SLC26A7: variants seen among roughly 807,000 people sequenced by gnomAD.
SLC26A7 encodes anion exchange transporter.
A neutral mutation model predicts 82.5 loss-of-function variants in SLC26A7; 59 were observed. That is an observed-to-expected ratio of 0.72 (90% CI 0.58 to 0.89). The LOEUF is 0.89. SLC26A7 is among the 40% of genes least tolerant of loss of function. SLC26A7 has a pLI of 0.00. For synonymous variants in SLC26A7, 271 were observed against 274.3 expected, an observed-to-expected ratio of 0.99 and a Z score of 0.12; for missense variants, 820 against 793.0, an observed-to-expected ratio of 1.03 and a Z score of -0.41.
rs139303268 is a variant in SLC26A7 at position 91,228,259 on chromosome 8, G to A, written c.-34+9254G>A. Among the ~76,000 whole-genome samples the A allele has an allele frequency of 1.8e-3, 270 of 152,310 alleles. 1 individual carries two copies. Among genetic ancestry groups the A allele is most frequent in the African/African-American group, 5.8e-3 (240 of 41,568 alleles). ...TGGAGTGAGTGAAGATGGTTAATAC[G>A]ACAGCACGGTAGTAAACATAGGTGT... On this transcript the variant is annotated intron_variant, in intron 2 of 5. Coordinates refer to the SLC26A7 transcript ENST00000522862.
chr8:91,272,582 C>T (rs972918306), intron 2 of SLC26A7, among the ~76,000 whole-genome samples: 1 of 151,992 alleles, frequency 6.6e-6, no homozygotes, highest in African/African-American at 2.4e-5. Context: ...TACTAGATAC[C>T]ACTGACGAAG....
chr8:91,353,761 T>TA (rs1011835235), intron 11 of SLC26A7, among the ~76,000 whole-genome samples: 11 of 152,094 alleles, frequency 7.2e-5, no homozygotes, highest in African/African-American at 2.7e-4. Flanking sequence ...TGCTGGTGCC[T>TA]ACTTTTGTAA....
At chr8:91,256,431 T>G (rs1363436957) in intron 2 of SLC26A7, among the ~76,000 whole-genome samples, 2 of 152,134 alleles carry the variant, frequency 1.3e-5, no homozygotes, top group Non-Finnish European at 2.9e-5. Context: ...AGGGGCCAGC[T>G]ATTTATTATT....
At chr8:91,284,894 G>T (rs1811669726) in intron 2 of SLC26A7, among the ~76,000 whole-genome samples, 1 of 152,184 alleles carries the variant, frequency 6.6e-6, no homozygotes, top group South Asian at 2.1e-4. Flanking sequence ...TGTGCAGAAA[G>T]TGAGGTTGAA....
intron 5 of SLC26A7, among the ~76,000 whole-genome samples, chr8:91,320,969 G>A (rs992868983): frequency 6.6e-6 from 1 of 152,142 alleles, no homozygotes; most frequent in Non-Finnish European, 1.5e-5. Context: ...TCCCAGGTGG[G>A]CTACTCATTT....
At chr8:91,241,837 A>AT (rs1279658242) in intron 2 of SLC26A7, among the ~76,000 whole-genome samples, 1 of 152,092 alleles carries the variant, frequency 6.6e-6, no homozygotes, top group African/African-American at 2.4e-5. Context: ...TATAAAAATG[A>AT]TTTTCACATT....
At chr8:91,377,241 T>A (rs1310311524) in intron 15 of SLC26A7, among the ~76,000 whole-genome samples, 1 of 152,152 alleles carries the variant, frequency 6.6e-6, no homozygotes, top group Non-Finnish European at 1.5e-5. Flanking sequence ...TCTGCAATAG[T>A]GGATGAGGGG....
chr8:91,224,125 G>A (rs182591526), intron 2 of SLC26A7, among the ~76,000 whole-genome samples: 3 of 152,054 alleles, frequency 2.0e-5, no homozygotes, highest in East Asian at 1.9e-4. Context: ...GTTAGAACAT[G>A]CTTGTTTAGC....
chr8:91,325,960 G>GT (rs962998829), intron 5 of SLC26A7, among the ~76,000 whole-genome samples: 11 of 152,140 alleles, frequency 7.2e-5, no homozygotes, highest in African/African-American at 1.9e-4. Flanking sequence ...GATTTCTGAG[G>GT]TTTTTTTCTG....
In SLC26A7 at chr8:91,249,527, T is replaced by G; in HGVS notation, c.-113-12T>G. ...TCTCTCTCTCTCTTTTATTTACTTA[T>G]TTTCTGGGCAGCTTTGACATTGTAA... On this transcript the variant is annotated splice_polypyrimidine_tract_variant and intron_variant, in intron 1 of 18. Coordinates refer to ENST00000276609, the MANE Select transcript of SLC26A7 (RefSeq NM_052832.4). 1 of 617,968 alleles carries G rather than the reference T, an allele frequency of 1.6e-6. No individual in the cohort carries two copies. The highest frequency in any genetic ancestry group is 2.5e-6 in the Non-Finnish European group (1 of 396,742). 38.3% of individuals were successfully genotyped at this position (617,968 alleles called of 1,614,324 possible).
At chr8:91,318,669 C>T (rs1287170986) in intron 5 of SLC26A7, among the ~76,000 whole-genome samples, 1 of 152,064 alleles carries the variant, frequency 6.6e-6, no homozygotes, top group Non-Finnish European at 1.5e-5. Context: ...TTGTTGCCAG[C>T]TTCTAATGGA....
intron 1 of SLC26A7, among the ~76,000 whole-genome samples, chr8:91,212,259 T>C (rs1283828487): frequency 6.6e-6 from 1 of 152,154 alleles, no homozygotes; most frequent in Non-Finnish European, 1.5e-5. Flanking sequence ...ATAAAATTCT[T>C]TCCAAACACT....
intron 2 of SLC26A7, among the ~76,000 whole-genome samples, chr8:91,233,704 C>T (rs1247319003): frequency 6.6e-6 from 1 of 152,188 alleles, no homozygotes; most frequent in East Asian, 1.9e-4. Flanking sequence ...AGCAACTTGT[C>T]CCAAACTACA....
intron 5 of SLC26A7, among the ~76,000 whole-genome samples, chr8:91,332,882 ATGTT>A (rs949589553): frequency 6.6e-6 from 1 of 151,978 alleles, no homozygotes; most frequent in Non-Finnish European, 1.5e-5. Context: ...ATATACTTTT[ATGTT>A]TGTTAGTATA....
intron 2 of SLC26A7, among the ~76,000 whole-genome samples, chr8:91,277,825 A>G (rs1041919930): frequency 2.0e-4 from 30 of 150,104 alleles, no homozygotes; most frequent in African/African-American, 7.2e-4. Flanking sequence ...ATATTAAAAA[A>G]CAAACTTAAA....
At chr8:91,331,053 T>TGTACAA (rs1813065781) in intron 5 of SLC26A7, among the ~76,000 whole-genome samples, 1 of 152,140 alleles carries the variant, frequency 6.6e-6, no homozygotes. Flanking sequence ...GTATTTCTCC[T>TGTACAA]GTACAAGGTG....
intron 2 of SLC26A7, among the ~76,000 whole-genome samples, chr8:91,257,048 TC>T (rs1810823661): frequency 6.6e-6 from 1 of 152,004 alleles, no homozygotes; most frequent in South Asian, 2.1e-4. Flanking sequence ...GGCTGCCCCT[TC>T]CCATGATGAC....
At chr8:91,327,861 A>C (rs566313963) in intron 5 of SLC26A7, among the ~76,000 whole-genome samples, 1 of 152,154 alleles carries the variant, frequency 6.6e-6, no homozygotes, top group Admixed American at 6.5e-5. Flanking sequence ...TAGTGTAGAA[A>C]TATTTATTCA....
intron 7 of SLC26A7, among the ~76,000 whole-genome samples, chr8:91,340,005 A>G (rs1157265109): frequency 6.6e-6 from 1 of 152,216 alleles, no homozygotes; most frequent in Non-Finnish European, 1.5e-5. Context: ...CAGTGTTTGC[A>G]TACAGCACTG....
Sources: gnomAD v4.1 joint callset for allele counts (sites outside exome capture counted in the v4.1 genomes callset) on GRCh38, gnomAD v4.1.1 for gene constraint, MANE v1.5 for transcripts, NCBI Gene and HGNC (gene_info 2026-07-23, HGNC 2026-07-21) for gene names.